PCDH15: variants seen among roughly 807,000 people sequenced by gnomAD.
PCDH15 encodes protocadherin-15.
PCDH15 carries 129 observed loss-of-function variants against 178.5 expected under a neutral mutation model. The observed-to-expected ratio is 0.72, with a 90% CI of 0.63 to 0.84. The LOEUF is 0.84. Among genes scored for constraint, PCDH15 ranks in the 40% least tolerant of loss-of-function variants. The pLI is 0.00. For missense variants in PCDH15, 2,230 were observed against 2,099.9 expected (o/e 1.06, Z -1.21); for synonymous variants, 800 against 732.0 (o/e 1.09, Z -1.50).
rs1172688518 is a variant in PCDH15, at chr10:54,654,300, CT to C, written c.91+9871del. On this transcript the variant is annotated intron_variant, in intron 2 of 37. Transcript: ENST00000644397. ...ATGTGTTTATTATAGGATACAGCCCCTTATGGAAAAATAAATGAGAGTGGGG... is the reference window on the plus strand; with the variant it reads ...ATGTGTTTATTATAGGATACAGCCCCTATGGAAAAATAAATGAGAGTGGGG... 1.9e-3 allele frequency among the ~76,000 whole-genome samples: 282 copies of C among 152,136 alleles called. 5 individuals are homozygous for C. Among genetic ancestry groups the C allele is most frequent in the Admixed American group, 0.018 (276 of 15,286 alleles).
At chr10:54,780,391 G>C (rs974385323) in intron 1 of PCDH15, among the ~76,000 whole-genome samples, 4 of 152,124 alleles carry the variant, frequency 2.6e-5, no homozygotes, top group African/African-American at 9.7e-5. Context: ...TGGGTCAGCT[G>C]TTTACTGCAA....
At chr10:53,974,599 A>C (rs2090037272) in intron 21 of PCDH15, among the ~76,000 whole-genome samples, 1 of 152,084 alleles carries the variant, frequency 6.6e-6, no homozygotes, top group African/African-American at 2.4e-5. Context: ...AAGGTTTGAT[A>C]GTTAATCACT....
At chr10:54,168,548 C>T (rs945221748) in intron 13 of PCDH15, among the ~76,000 whole-genome samples, 1 of 151,688 alleles carries the variant, frequency 6.6e-6, no homozygotes, top group East Asian at 1.9e-4. Context: ...AGTTTCGTTC[C>T]GTGACTAGCC....
chr10:55,503,607 T>C (rs1458338606), intron 2 of PCDH15, among the ~76,000 whole-genome samples: 1 of 151,242 alleles, frequency 6.6e-6, no homozygotes, highest in Non-Finnish European at 1.5e-5. Context: ...TAAAACATCA[T>C]TTATATGAGT....
intron 2 of PCDH15, among the ~76,000 whole-genome samples, chr10:55,099,753 GAGA>G (rs1454036995): frequency 2.6e-5 from 4 of 151,836 alleles, no homozygotes; most frequent in African/African-American, 7.3e-5. Context: ...TAACAAGCAA[GAGA>G]AGAAGAAGAA....
chr10:53,863,043 A>T (rs1375502621), intron 27 of PCDH15, among the ~76,000 whole-genome samples: 3 of 152,226 alleles, frequency 2.0e-5, no homozygotes, highest in Non-Finnish European at 2.9e-5. Context: ...GTGATGAAGA[A>T]GAGAAATCCA....
At chr10:54,920,241 C>A (rs559742696) in intron 2 of PCDH15, among the ~76,000 whole-genome samples, 1 of 151,972 alleles carries the variant, frequency 6.6e-6, no homozygotes, top group African/African-American at 2.4e-5. Flanking sequence ...GAGGCCGAGG[C>A]GGGCAGATCA....
At chr10:55,229,656 C>G (rs553206727) in intron 1 of PCDH15, among the ~76,000 whole-genome samples, 51 of 152,022 alleles carry the variant, frequency 3.4e-4, no homozygotes, top group Admixed American at 1.4e-3. Flanking sequence ...GCCCAAATAT[C>G]ATTTTCTTTG....
chr10:54,908,281 T>C (rs1236920982), intron 2 of PCDH15, among the ~76,000 whole-genome samples: 1 of 152,156 alleles, frequency 6.6e-6, no homozygotes, highest in Non-Finnish European at 1.5e-5. Context: ...GGCTGCGGCA[T>C]GGCAGGCAAC....
intron 3 of PCDH15, among the ~76,000 whole-genome samples, chr10:54,838,915 T>C (rs1197831381): frequency 1.3e-5 from 2 of 152,100 alleles, no homozygotes; most frequent in African/African-American, 4.8e-5. Flanking sequence ...ACTCTGGTAA[T>C]ATGTCTGGCA....
chr10:54,834,155 T>G (rs1953272814), intron 3 of PCDH15, among the ~76,000 whole-genome samples: 1 of 151,982 alleles, frequency 6.6e-6, no homozygotes, highest in Non-Finnish European at 1.5e-5. Context: ...GCCTACTACC[T>G]ATCAAATAGT....
chr10:55,490,138 A>G (rs1840380363), intron 2 of PCDH15, among the ~76,000 whole-genome samples: 1 of 151,700 alleles, frequency 6.6e-6, no homozygotes, highest in East Asian at 2.0e-4. Context: ...ATAAACAGAA[A>G]GTGTTCTATA....
chr10:53,807,208 A>C, intron 37 of PCDH15, 78 bp from the exon 38 acceptor site: 1 of 1,189,972 alleles, frequency 8.4e-7, no homozygotes, highest in Non-Finnish European at 1.1e-6. Context: ...TGTGAAATCC[A>C]AAACAATGAC....
chr10:55,274,495 T>C (rs1391571511), intron 1 of PCDH15, among the ~76,000 whole-genome samples: 1 of 152,072 alleles, frequency 6.6e-6, no homozygotes, highest in Non-Finnish European at 1.5e-5. Flanking sequence ...CCCATTCTCC[T>C]AGATTTCTGT....
intron 2 of PCDH15, among the ~76,000 whole-genome samples, chr10:54,592,605 C>T (rs1465132560): frequency 6.6e-6 from 1 of 152,068 alleles, no homozygotes; most frequent in African/African-American, 2.4e-5. Context: ...TGTCCATGGA[C>T]ACTTAAGTTG....
intron 2 of PCDH15, among the ~76,000 whole-genome samples, chr10:54,581,823 A>C (rs907046611): frequency 1.3e-5 from 2 of 151,980 alleles, no homozygotes; most frequent in African/African-American, 4.8e-5. Flanking sequence ...AACGCTGGGT[A>C]ATGTTCAATA....
At position 54,984,091 on chromosome 10, in the gene PCDH15, G is replaced by A. The variant is rs551928074; in HGVS notation, c.-79-86591C>T. Among the ~76,000 whole-genome samples, 5 of 152,258 alleles carry A rather than the reference G, an allele frequency of 3.3e-5. No homozygotes were observed. In the South Asian group the frequency reaches 1.0e-3, roughly 32 times the overall value. Reference sequence around the variant, plus strand: ...ATGACTAGAGGTCAATTCCTATGAAGGGACTGTCAGGGCTCAGAAGCTGAC... The same window carrying A: ...ATGACTAGAGGTCAATTCCTATGAAAGGACTGTCAGGGCTCAGAAGCTGAC... On this transcript the variant is annotated intron_variant, in intron 2 of 5. Transcript: ENST00000458638.
rs879382986 is a variant in PCDH15, at chr10:55,493,256, T to TA, written c.-156+134368dup. Among the ~76,000 whole-genome samples the TA allele has an allele frequency of 4.8e-3, 676 of 141,062 alleles. 5 individuals are homozygous for TA. Among genetic ancestry groups the TA allele is most frequent in the Middle Eastern group, 0.014 (4 of 280 alleles). The allele number at this position is 141,062 out of a possible 152,430, so 92.5% of individuals were successfully genotyped here. ...CTCAGATACACTAAAGTCATATTGT[T>TA]AAAAAAAAAAAAAGCTAGGTGGGGC... On this transcript the variant is annotated intron_variant, in intron 2 of 5. Coordinates refer to the PCDH15 transcript ENST00000613346.
intron 20 of PCDH15, among the ~76,000 whole-genome samples, chr10:54,012,152 T>G (rs2092606803): frequency 6.6e-6 from 1 of 152,024 alleles, no homozygotes; most frequent in South Asian, 2.1e-4. Context: ...TGTGATTGCA[T>G]TAACAGCAGA....
Sources: gnomAD v4.1 joint callset for allele counts (sites outside exome capture counted in the v4.1 genomes callset) on GRCh38, gnomAD v4.1.1 for gene constraint, MANE v1.5 for transcripts, NCBI Gene and HGNC (gene_info 2026-07-23, HGNC 2026-07-21) for gene names.